TMTC2: variants seen among roughly 807,000 people sequenced by gnomAD.
TMTC2 encodes protein O-mannosyl-transferase TMTC2.
TMTC2 carries 43 observed loss-of-function variants against 82.4 expected under a neutral mutation model. The observed-to-expected ratio is 0.52, with a 90% CI of 0.41 to 0.67. The LOEUF is 0.67. TMTC2 is among the 30% of genes least tolerant of loss of function. TMTC2 has a pLI of 0.00. For missense variants in TMTC2, 919 were observed against 1,012.4 expected (o/e 0.91, Z 1.25); for synonymous variants, 408 against 381.9 (o/e 1.07, Z -0.80).
intron 2 of TMTC2, among the ~76,000 whole-genome samples, chr12:82,876,037 T>A (rs1350687203): frequency 1.0e-5 from 1 of 97,196 alleles, no homozygotes; most frequent in Admixed American, 1.1e-4. Flanking sequence ...GCGGTGGTGG[T>A]GGTGGTGGTG....
intron 11 of TMTC2, among the ~76,000 whole-genome samples, chr12:83,075,155 G>C (rs1470522575): frequency 6.6e-6 from 1 of 152,150 alleles, no homozygotes; most frequent in African/African-American, 2.4e-5. Flanking sequence ...CTTCTCCAGT[G>C]GGGGTGTGTG....
At chr12:82,807,363 A>T (rs765649651) in intron 1 of TMTC2, among the ~76,000 whole-genome samples, 2 of 152,134 alleles carry the variant, frequency 1.3e-5, no homozygotes, top group Non-Finnish European at 2.9e-5. Flanking sequence ...ATTGTTTGAA[A>T]TGGAGCAAAA....
rs1878127438 is a variant in TMTC2, at chr12:82,965,063, A to G, written c.1638A>G (p.Ala546=). The G allele has an allele frequency of 1.2e-6, 2 of 1,612,656 alleles. No individual in the cohort carries two copies. The highest frequency in any genetic ancestry group is 1.7e-6 in the Non-Finnish European group (2 of 1,179,062). Residue 546 remains alanine (A), a synonymous_variant, in exon 5 of 12, where the codon GCA becomes GCG. Coordinates refer to ENST00000321196, the MANE Select transcript of TMTC2 (RefSeq NM_152588.3). ...LLQENSRFAE[A]LHYYKLAIGS... ...AGGAGAACAGCAGGTTTGCAGAAGC[A>G]CTACATTATTATAAATTGGCCATTG...
chr12:82,692,753 G>C (rs572039047), intron 1 of TMTC2, among the ~76,000 whole-genome samples: 1 of 152,228 alleles, frequency 6.6e-6, no homozygotes, highest in African/African-American at 2.4e-5. Context: ...GGAAAGGAAC[G>C]GTGGGTTATT....
At chr12:82,942,919 A>G (rs1876801650) in intron 4 of TMTC2, among the ~76,000 whole-genome samples, 1 of 152,250 alleles carries the variant, frequency 6.6e-6, no homozygotes, top group Non-Finnish European at 1.5e-5. Context: ...TGTGATTATT[A>G]GTTAAAATTA....
chr12:82,807,279 C>T (rs979753346), intron 1 of TMTC2, among the ~76,000 whole-genome samples: 1 of 151,992 alleles, frequency 6.6e-6, no homozygotes, highest in Non-Finnish European at 1.5e-5. Flanking sequence ...GTTTCCAAAC[C>T]ATTAATTCCT....
chr12:83,107,616 G>C (rs937071913), intron 11 of TMTC2, among the ~76,000 whole-genome samples: 2 of 152,078 alleles, frequency 1.3e-5, no homozygotes, highest in Middle Eastern at 3.2e-3. Context: ...TTAGAGGACC[G>C]TTTCAACCCA....
intron 1 of TMTC2, among the ~76,000 whole-genome samples, chr12:82,781,975 A>G (rs545920241): frequency 8.7e-4 from 133 of 152,182 alleles, no homozygotes; most frequent in African/African-American, 3.1e-3. Context: ...CAAAGACCAC[A>G]TTGGTGGTCC....
chr12:82,824,240 TA>T (rs986038054), intron 1 of TMTC2, among the ~76,000 whole-genome samples: 14 of 152,148 alleles, frequency 9.2e-5, no homozygotes. Context: ...TCTTATAATG[TA>T]TGTTATAGAG....
chr12:82,795,375 G>A (rs1188534225), intron 1 of TMTC2, among the ~76,000 whole-genome samples: 3 of 151,176 alleles, frequency 2.0e-5, no homozygotes, highest in East Asian at 3.9e-4. Flanking sequence ...TATTCTGTAC[G>A]TTATATCCAC....
At chr12:82,933,155 C>T (rs1876134404) in intron 4 of TMTC2, among the ~76,000 whole-genome samples, 1 of 152,150 alleles carries the variant, frequency 6.6e-6, no homozygotes, top group Non-Finnish European at 1.5e-5. Flanking sequence ...ACTTATCTGT[C>T]ACCCTAAACG....
chr12:82,843,680 G>C (rs1467263730), intron 1 of TMTC2, among the ~76,000 whole-genome samples: 3 of 152,048 alleles, frequency 2.0e-5, no homozygotes, highest in Admixed American at 6.6e-5. Flanking sequence ...GGGTGTGGTG[G>C]CTCACACCTG....
intron 1 of TMTC2, among the ~76,000 whole-genome samples, chr12:82,788,214 G>C (rs1055551255): frequency 4.6e-5 from 7 of 151,944 alleles, no homozygotes; most frequent in African/African-American, 1.7e-4. Context: ...TTTTATTTTA[G>C]GGGTAAGTTA....
intron 8 of TMTC2, among the ~76,000 whole-genome samples, chr12:83,004,308 G>T (rs1619500): frequency 0.77 from 116,494 of 152,076 alleles, 46,161 homozygotes; most frequent in South Asian, 0.93. Context: ...ATTCTTTGGA[G>T]TGTGTTGTGA....
At chr12:82,953,681 C>G (rs1877466970) in intron 4 of TMTC2, among the ~76,000 whole-genome samples, 1 of 152,056 alleles carries the variant, frequency 6.6e-6, no homozygotes, top group Non-Finnish European at 1.5e-5. Flanking sequence ...ATTACTAAAG[C>G]CATTAGCTAA....
At chr12:82,896,804 T>C (rs1873713423) in intron 3 of TMTC2, among the ~76,000 whole-genome samples, 158 bp downstream of exon 3, 1 of 152,214 alleles carries the variant, frequency 6.6e-6, no homozygotes, top group South Asian at 2.1e-4. Flanking sequence ...AGATATGCCA[T>C]ATAACCAATT....
intron 4 of TMTC2, among the ~76,000 whole-genome samples, chr12:82,933,277 T>G (rs1442775281): frequency 6.6e-6 from 1 of 152,190 alleles, no homozygotes; most frequent in Non-Finnish European, 1.5e-5. Context: ...TCAGTCATTT[T>G]AAATCAAATA....
chr12:82,930,371 A>G, intron 3 of TMTC2, 60 bp from the exon 4 acceptor site: 3 of 939,518 alleles, frequency 3.2e-6, no homozygotes, highest in South Asian at 3.5e-5. Context: ...ATGGCCTGAT[A>G]TTATGTCATG....
intron 4 of TMTC2, among the ~76,000 whole-genome samples, chr12:82,947,855 T>G (rs780280277): frequency 1.3e-5 from 2 of 152,144 alleles, no homozygotes; most frequent in Non-Finnish European, 2.9e-5. Context: ...TAATTTGGCA[T>G]CTTGATCCCC....
Sources: allele counts gnomAD v4.1 joint callset (sites outside exome capture counted in the v4.1 genomes callset), GRCh38; gene constraint gnomAD v4.1.1; transcripts MANE v1.5; gene names NCBI Gene and HGNC (gene_info 2026-07-23, HGNC 2026-07-21).